CSTPP1: variants seen among roughly 807,000 people sequenced by gnomAD.
CSTPP1 encodes centriolar satellite-associated tubulin polyglutamylase complex regulator 1.
At chr11:47,075,941 A>G in the CSTPP1 span, among the ~76,000 whole-genome samples, 1 of 151,210 alleles carries the variant, frequency 6.6e-6, no homozygotes, top group Non-Finnish European at 1.5e-5. Context: ...AAAAAAAAAA[A>G]AAAAAAAAAA....
chr11:46,996,459 A>G, the CSTPP1 span, among the ~76,000 whole-genome samples: 1 of 151,912 alleles, frequency 6.6e-6, no homozygotes, highest in Non-Finnish European at 1.5e-5. Flanking sequence ...ACGCGCCACC[A>G]TGCCCGGCTA....
At chr11:47,111,869 G>T in the CSTPP1 span, among the ~76,000 whole-genome samples, 1 of 152,052 alleles carries the variant, frequency 6.6e-6, no homozygotes, top group African/African-American at 2.4e-5. Flanking sequence ...TTCTATGTAC[G>T]ATTTTACTGT....
At chr11:47,105,763 C>G in the CSTPP1 span, among the ~76,000 whole-genome samples, 2 of 152,172 alleles carry the variant, frequency 1.3e-5, no homozygotes, top group Non-Finnish European at 2.9e-5. Context: ...CTCTTACTTC[C>G]TACCCTCTGT....
chr11:46,937,845 C>T, the CSTPP1 span, among the ~76,000 whole-genome samples: 15 of 151,706 alleles, frequency 9.9e-5, no homozygotes, highest in African/African-American at 3.4e-4. Flanking sequence ...CCACAATACA[C>T]ATTTTAAATA....
chr11:46,987,180 C>A, the CSTPP1 span: 3 of 1,602,300 alleles, frequency 1.9e-6, no homozygotes, highest in African/African-American at 2.7e-5. Flanking sequence ...CTCTCATTTT[C>A]TCTTTCTCTC....
the CSTPP1 span, among the ~76,000 whole-genome samples, chr11:46,960,861 G>GA: frequency 9.4e-3 from 1,358 of 143,768 alleles, 20 homozygotes; most frequent in African/African-American, 0.031. Context: ...TCAAAAAAAA[G>GA]AAAAAAAAAA....
the CSTPP1 span, among the ~76,000 whole-genome samples, chr11:47,013,169 TATATATAAC>T: frequency 6.7e-6 from 1 of 148,332 alleles, no homozygotes; most frequent in Non-Finnish European, 1.5e-5. Flanking sequence ...AAATGGTTAT[TATATATAAC>T]ATATATAACC....
the CSTPP1 span, among the ~76,000 whole-genome samples, chr11:47,035,519 A>G: frequency 3.9e-5 from 6 of 152,246 alleles, no homozygotes; most frequent in East Asian, 1.2e-3. Context: ...CTGCAATAGC[A>G]ACAGGAGTTG....
chr11:47,063,978 A>G, the CSTPP1 span, among the ~76,000 whole-genome samples: 1 of 152,180 alleles, frequency 6.6e-6, no homozygotes, highest in Non-Finnish European at 1.5e-5. Flanking sequence ...CACATCCCCA[A>G]TAATGCTTGT....
the CSTPP1 span, among the ~76,000 whole-genome samples, chr11:46,982,914 C>T: frequency 8.5e-5 from 13 of 152,048 alleles, no homozygotes; most frequent in African/African-American, 3.1e-4. Flanking sequence ...GTGGTAGGTA[C>T]TAGTATTGCC....
the CSTPP1 span, among the ~76,000 whole-genome samples, chr11:47,103,366 C>T: frequency 6.7e-6 from 1 of 149,578 alleles, no homozygotes; most frequent in Admixed American, 6.7e-5. Context: ...TGCCACTGCA[C>T]TCTGGCCTGG....
At chr11:46,947,334 G>C in the CSTPP1 span, among the ~76,000 whole-genome samples, 4 of 152,094 alleles carry the variant, frequency 2.6e-5, no homozygotes, top group East Asian at 5.8e-4. Flanking sequence ...AGGGGCCTTA[G>C]GAAATAGCTC....
the CSTPP1 span, among the ~76,000 whole-genome samples, chr11:46,972,077 G>A: frequency 3.3e-5 from 5 of 152,156 alleles, no homozygotes; most frequent in Non-Finnish European, 7.3e-5. Flanking sequence ...CTTCTGCTCA[G>A]TTTAACATTT....
chr11:47,049,458 A>C, the CSTPP1 span, among the ~76,000 whole-genome samples: 2 of 151,816 alleles, frequency 1.3e-5, no homozygotes, highest in Admixed American at 1.3e-4. Flanking sequence ...GCAACATGGT[A>C]AGACCCCATC....
the CSTPP1 span, among the ~76,000 whole-genome samples, chr11:47,076,950 T>A: frequency 8.8e-5 from 10 of 113,810 alleles, no homozygotes; most frequent in Admixed American, 1.0e-4. Flanking sequence ...GGCAAAGAAG[T>A]AGAAAACAGG....
At chr11:47,032,876 G>T in the CSTPP1 span, among the ~76,000 whole-genome samples, 1 of 152,050 alleles carries the variant, frequency 6.6e-6, no homozygotes, top group Admixed American at 6.6e-5. Flanking sequence ...GACTCACCAA[G>T]AACTTAACTA....
chr11:46,990,980 G>T, the CSTPP1 span, among the ~76,000 whole-genome samples: 1 of 151,978 alleles, frequency 6.6e-6, no homozygotes, highest in Non-Finnish European at 1.5e-5. Flanking sequence ...CTTTCCATTG[G>T]TCTATGTTTC....
the CSTPP1 span, among the ~76,000 whole-genome samples, chr11:47,077,065 G>C: frequency 2.0e-5 from 3 of 151,034 alleles, no homozygotes; most frequent in South Asian, 4.2e-4. Context: ...ATGCCATCAG[G>C]CTTCTCAACA....
chr11:47,154,568 G>A, the CSTPP1 span: 1 of 152,896 alleles, frequency 6.5e-6, no homozygotes, highest in Non-Finnish European at 1.5e-5. Flanking sequence ...AGCACAAGAT[G>A]AGTGTGGGTT....
Sources: gnomAD v4.1 joint callset for allele counts (sites outside exome capture counted in the v4.1 genomes callset) on GRCh38, gnomAD v4.1.1 for gene constraint, MANE v1.5 for transcripts, NCBI Gene and HGNC (gene_info 2026-07-23, HGNC 2026-07-21) for gene names.